IGF2: variants seen among roughly 807,000 people sequenced by gnomAD.
IGF2 encodes insulin-like growth factor 2.
In IGF2, 2 loss-of-function variants were observed where a neutral mutation model predicts 12.0. The observed-to-expected ratio is 0.17, with a 90% CI of 0.07 to 0.52. IGF2 has a LOEUF of 0.52. Among genes scored for constraint, IGF2 ranks in the 20% least tolerant of loss-of-function variants. The pLI is 0.95. For missense variants in IGF2, 211 were observed against 268.0 expected (o/e 0.79, Z 1.48); for synonymous variants, 105 against 110.1 (o/e 0.95, Z 0.29).
At position 2,132,724 on chromosome 11, in the gene IGF2, T is replaced by C. The variant is rs1163942077; in HGVS notation, c.*263A>G. ...ATGTGTGGGGATAATTGGGGATAAT[T>C]TGGGGGGAGGGTATGTGAAGGGTGT... On this transcript the variant is annotated 3_prime_UTR_variant, in exon 4 of 4. Transcript: ENST00000416167. 1.5e-5 allele frequency: 5 copies of C among 333,352 alleles called. No individual in the cohort carries two copies. The highest frequency in any genetic ancestry group is 2.7e-5 in the Non-Finnish European group (5 of 185,702). 20.6% of individuals were successfully genotyped at this position (333,352 alleles called of 1,614,324 possible). A position where few individuals can be genotyped will look rare whatever the true frequency, so the allele number is the denominator to read the frequency against.
upstream of IGF2, chr11:2,140,436 C>G (rs1421104711): frequency 1.4e-6 from 1 of 717,596 alleles, no homozygotes; most frequent in African/African-American, 1.8e-5. Flanking sequence ...AATCTCGCGC[C>G]CCCCTGGCCC....
chr11:2,131,207 C>G lies in IGF2; in HGVS notation c.*1780G>C. 4.3e-6 allele frequency: 1 copy of G among 233,262 alleles called. No homozygotes were observed. Among genetic ancestry groups the G allele is most frequent in the East Asian group, 6.0e-5 (1 of 16,594 alleles). 14.4% of individuals were successfully genotyped at this position (233,262 alleles called of 1,614,324 possible). The stretch of plus-strand genomic sequence containing the variant: ...CACCCCGCCCACCCTACGGGTGTAT[C>G]CCAAATGCCGCCGGCCGCACACTCA... On this transcript the variant is annotated 3_prime_UTR_variant, in exon 4 of 4. Coordinates refer to ENST00000416167, the MANE Select transcript of IGF2 (RefSeq NM_000612.6).
In IGF2 at chr11:2,138,006, C is replaced by A. The variant is rs572202801; in HGVS notation, c.-7+223G>T. On this transcript the variant is annotated intron_variant, in intron 1 of 3. Transcript: ENST00000416167. ...TCGGCCCTTCCCGACGCCCCCACCC[C>A]ACCCCCAGCTCCGCCGCCAGGGTGA... 1.4e-4 allele frequency among the ~76,000 whole-genome samples: 22 copies of A among 152,274 alleles called. 1 individual carries two copies. Among genetic ancestry groups the A allele is most frequent in the Non-Finnish European group, 3.1e-4 (21 of 67,994 alleles).
the IGF2 span, chr11:2,146,362 G>A: frequency 2.1e-5 from 11 of 535,206 alleles, no homozygotes; most frequent in African/African-American, 3.8e-5. Context: ...GCAGGGCGCC[G>A]CAGACGAGGC....
Position 2,132,973 on chromosome 11 carries a change from T to C in IGF2, c.*14A>G, listed in dbSNP as rs9282726. On this transcript the variant is annotated 3_prime_UTR_variant, in exon 4 of 4. Transcript: ENST00000416167. ...GGATGGTGGCGCCGGGCTGCAGACTTGCGGCAGTTTTGCTCACTTCCGATT... is the reference window on the plus strand; with the variant it reads ...GGATGGTGGCGCCGGGCTGCAGACTCGCGGCAGTTTTGCTCACTTCCGATT... The C allele has an allele frequency of 2.7e-4, 401 of 1,475,936 alleles. 3 individuals carry two copies. In the African/African-American group the frequency reaches 5.1e-3, roughly 19 times the overall value. The allele number at this position is 1,475,936 out of a possible 1,614,324, so 91.4% of individuals were successfully genotyped here.
chr11:2,140,050 G>T (rs1859452479), upstream of IGF2: 1 of 1,366,300 alleles, frequency 7.3e-7, no homozygotes, highest in Non-Finnish European at 9.8e-7. Context: ...GCGCCGGGCC[G>T]AATCTGGGCC....
chr11:2,136,338 T>G (rs774347930), intron 1 of IGF2, among the ~76,000 whole-genome samples: 3 of 152,012 alleles, frequency 2.0e-5, no homozygotes, highest in Non-Finnish European at 4.4e-5. Flanking sequence ...CCAGAACATC[T>G]CCCTATTTGC....
In IGF2 at chr11:2,139,022, GC is replaced by G; in HGVS notation, c.-801del. ...GGGACGCAGCGCGGAAAGGGGAGCG[GC>G]CCGAGGCTGCGCGCCGGGGGGAGGG... On this transcript the variant is annotated 5_prime_UTR_variant, in exon 1 of 4. Coordinates refer to ENST00000416167, the MANE Select transcript of IGF2 (RefSeq NM_000612.6). The G allele has an allele frequency of 1.1e-6, 1 of 928,034 alleles. No individual in the cohort carries two copies. The highest frequency in any genetic ancestry group is 1.3e-6 in the Non-Finnish European group (1 of 784,172). The allele number at this position is 928,034 out of a possible 1,614,324, so 57.5% of individuals were successfully genotyped here. A position where few individuals can be genotyped will look rare whatever the true frequency, so the allele number is the denominator to read the frequency against.
chr11:2,138,861 G>T lies in IGF2; in HGVS notation c.-639C>A. 1 of 975,304 alleles carries T rather than the reference G, an allele frequency of 1.0e-6. No homozygotes were observed. Among genetic ancestry groups the T allele is most frequent in the Non-Finnish European group, 1.2e-6 (1 of 821,382 alleles). The allele number at this position is 975,304 out of a possible 1,614,324, so 60.4% of individuals were successfully genotyped here. A position where few individuals can be genotyped will look rare whatever the true frequency, so the allele number is the denominator to read the frequency against. On this transcript the variant is annotated 5_prime_UTR_variant, in exon 1 of 4. Coordinates refer to ENST00000416167, the MANE Select transcript of IGF2 (RefSeq NM_000612.6). ...GCGCCACGTCGAGGGGCCGGGGGAG[G>T]CGGTGACTGGGGGGCGGAGTGGAGG...
At chr11:2,147,068 G>C in the IGF2 span, 1 of 152,768 alleles carries the variant, frequency 6.5e-6, no homozygotes, top group Non-Finnish European at 1.5e-5. This position sits in a 1 kb window ranked among gnomAD's most constrained non-coding sequence, Gnocchi z 7.2. Context: ...CACCCACTTT[G>C]ATAAATACAG....
chr11:2,141,121 G>A (rs187259775), upstream of IGF2: 249 of 202,636 alleles, frequency 1.2e-3, 2 homozygotes, highest in African/African-American at 5.5e-3. Context: ...CGACCCAAGT[G>A]TGTTTGGGCA....
At chr11:2,145,750 G>T (rs73403712), upstream of IGF2, among the ~76,000 whole-genome samples, 14 of 152,114 alleles carry the variant, frequency 9.2e-5, no homozygotes, top group Admixed American at 6.5e-5. Flanking sequence ...CCCCTCCCTC[G>T]TGGGGCTGCC....
In IGF2 at chr11:2,135,430, G is replaced by A. The variant is rs202212014; in HGVS notation, c.94C>T (p.Leu32=). The change falls in exon 2 of 4, where the codon CTG becomes TTG. Residue 32 remains leucine, a synonymous_variant. Coordinates refer to ENST00000416167, the MANE Select transcript of IGF2 (RefSeq NM_000612.6). ...GTGTCCACCAGCTCCCCGCCGCACA[G>A]GGTCTCACTGGGGCGGTAAGCAGCA... ...CIAAYRPSET[L]CGGELVDTLQ... The A allele has an allele frequency of 1.5e-5, 24 of 1,613,808 alleles. No homozygotes were observed. In the Admixed American group the frequency reaches 1.7e-4, roughly 11 times the overall value.
chr11:2,147,941 G>T, the IGF2 span: 10 of 557,468 alleles, frequency 1.8e-5, no homozygotes, highest in Non-Finnish European at 2.7e-5. The surrounding 1 kb of genome is among the most constrained non-coding windows in gnomAD (Gnocchi z 7.2). Flanking sequence ...CAGGATCTGG[G>T]CAGCGGCTTC....
chr11:2,131,863 G>A lies in IGF2; in HGVS notation c.*1124C>T, dbSNP rs1297070506. Reference sequence around the variant, plus strand: ...TGTGCTGTGTGCTCGTGTGTGTGCTGTGTGTGCGTGTGTGCTGTGCGTTTG... The same window carrying A: ...TGTGCTGTGTGCTCGTGTGTGTGCTATGTGTGCGTGTGTGCTGTGCGTTTG... On this transcript the variant is annotated 3_prime_UTR_variant, in exon 4 of 4. Transcript: ENST00000416167. The A allele has an allele frequency of 1.6e-4, 30 of 185,332 alleles. No individual in the cohort carries two copies. The highest frequency in any genetic ancestry group is 6.5e-5 in the Non-Finnish European group (6 of 91,840). 11.5% of individuals were successfully genotyped at this position (185,332 alleles called of 1,614,324 possible).
At chr11:2,143,975 C>A (rs1160337193), upstream of IGF2, among the ~76,000 whole-genome samples, 3 of 152,216 alleles carry the variant, frequency 2.0e-5, no homozygotes, top group Non-Finnish European at 4.4e-5. Flanking sequence ...CTGGCGCCCT[C>A]CCCGGGAACC....
In IGF2 at chr11:2,130,514, G is replaced by A. The variant is rs968247008; in HGVS notation, c.*2473C>T. On this transcript the variant is annotated 3_prime_UTR_variant, in exon 4 of 4. Transcript: ENST00000416167. ...TTCGTGCGTTCTTGCTTTTGTCACT[G>A]CCCCCCTGTTACATGGGGGGGGGGT... 5.0e-6 allele frequency: 1 copy of A among 201,812 alleles called. No individual in the cohort carries two copies. Among genetic ancestry groups the A allele is most frequent in the Non-Finnish European group, 9.5e-6 (1 of 105,132 alleles). 12.5% of individuals were successfully genotyped at this position (201,812 alleles called of 1,614,324 possible).
chr11:2,149,205 C>T, the IGF2 span: 1 of 1,613,418 alleles, frequency 6.2e-7, no homozygotes, highest in Non-Finnish European at 8.5e-7. Context: ...GTGCCCAAGG[C>T]TCTCTGCCGA....
chr11:2,142,296 C>T (rs1859649651), upstream of IGF2, among the ~76,000 whole-genome samples: 1 of 151,830 alleles, frequency 6.6e-6, no homozygotes, highest in Non-Finnish European at 1.5e-5. This position sits in a 1 kb window ranked among gnomAD's most constrained non-coding sequence, Gnocchi z 5.7. Context: ...AATTTGGGGG[C>T]TCCAGGAAAA....
Sources: gnomAD v4.1 joint callset for allele counts (sites outside exome capture counted in the v4.1 genomes callset) on GRCh38, gnomAD v4.1.1 for gene constraint, Gnocchi (gnomAD v3.1) non-coding constraint, MANE v1.5 for transcripts, NCBI Gene and HGNC (gene_info 2026-07-23, HGNC 2026-07-21) for gene names.